DPYD: variants seen among roughly 807,000 people sequenced by gnomAD.
The protein encoded by DPYD is dihydropyrimidine dehydrogenase, also known as dihydropyrimidine dehydrogenase [NADP(+)].
In DPYD, 109 loss-of-function variants were observed where a neutral mutation model predicts 116.2. The ratio of observed to expected loss-of-function variants is 0.94; its 90% CI spans 0.80 to 1.10. The LOEUF (loss-of-function observed/expected upper bound fraction) is 1.10. Ranked by LOEUF, DPYD falls within the 50% of genes least tolerant of loss-of-function variation. The probability of loss-of-function intolerance (pLI) is 0.00; values close to 1 mark genes in which losing one functional copy is unlikely to be tolerated. For missense variants in DPYD, 1,302 were observed against 1,254.5 expected (o/e 1.04, Z -0.57); for synonymous variants, 440 against 432.0 (o/e 1.02, Z -0.23).
At chr1:97,529,555 G>T (rs1649410805) in intron 12 of DPYD, among the ~76,000 whole-genome samples, 1 of 151,978 alleles carries the variant, frequency 6.6e-6, no homozygotes, top group Non-Finnish European at 1.5e-5. Flanking sequence ...TTGGATATAT[G>T]CATACACTCA....
intron 20 of DPYD, among the ~76,000 whole-genome samples, chr1:97,165,000 G>A (rs924791386): frequency 7.9e-5 from 12 of 151,814 alleles, no homozygotes; most frequent in African/African-American, 1.9e-4. Flanking sequence ...GAGCCACTGC[G>A]CCCAGCCACA....
intron 13 of DPYD, among the ~76,000 whole-genome samples, chr1:97,487,541 C>T (rs951734965): frequency 5.9e-5 from 9 of 151,926 alleles, no homozygotes; most frequent in African/African-American, 1.5e-4. Flanking sequence ...GGTGTGGTGG[C>T]GGGCACCTGT....
intron 13 of DPYD, among the ~76,000 whole-genome samples, chr1:97,454,710 G>T (rs533492993): frequency 6.6e-6 from 1 of 151,672 alleles, no homozygotes; most frequent in Admixed American, 6.6e-5. Flanking sequence ...AATGGTAAGC[G>T]GACTGATTAT....
At chr1:97,876,400 T>A (rs947058831) in intron 2 of DPYD, among the ~76,000 whole-genome samples, 1 of 151,990 alleles carries the variant, frequency 6.6e-6, no homozygotes, top group Non-Finnish European at 1.5e-5. Context: ...AGGCACTACA[T>A]TTAAGTTGGC....
chr1:97,840,851 T>A (rs1476356634), intron 2 of DPYD, among the ~76,000 whole-genome samples: 1 of 152,128 alleles, frequency 6.6e-6, no homozygotes, highest in Admixed American at 6.5e-5. Context: ...TTGAATTATA[T>A]ACATACGAAG....
intron 14 of DPYD, among the ~76,000 whole-genome samples, chr1:97,387,518 C>T (rs1294246956): frequency 5.3e-5 from 8 of 151,964 alleles, no homozygotes; most frequent in African/African-American, 1.4e-4. Context: ...ATTTCCAGTT[C>T]CAATTGTTAG....
chr1:97,811,878 A>C (rs1380714884), intron 3 of DPYD, among the ~76,000 whole-genome samples: 2 of 69,854 alleles, frequency 2.9e-5, no homozygotes, highest in Non-Finnish European at 5.5e-5. Flanking sequence ...TCATTAAATA[A>C]ATTAATTTAA....
chr1:97,568,805 A>T lies in DPYD; in HGVS notation c.1339+4955T>A, dbSNP rs74105262. On this transcript the variant is annotated intron_variant, in intron 11 of 22. Transcript: ENST00000370192. ...AGCAAGTCAAGTCAAATGCACAAATATTTTTGTGGATCTATTATGGGCACA... is the reference window on the plus strand; with the variant it reads ...AGCAAGTCAAGTCAAATGCACAAATTTTTTTGTGGATCTATTATGGGCACA... Among the ~76,000 whole-genome samples the T allele has an allele frequency of 5.1e-3, 769 of 152,206 alleles. 1 individual carries two copies. The highest frequency in any genetic ancestry group is 0.018 in the African/African-American group (737 of 41,552).
At chr1:97,526,793 C>A (rs1294037331) in intron 12 of DPYD, among the ~76,000 whole-genome samples, 3 of 152,076 alleles carry the variant, frequency 2.0e-5, no homozygotes, top group Non-Finnish European at 2.9e-5. Context: ...ACACATTGTC[C>A]AAATGTTAAG....
intron 20 of DPYD, among the ~76,000 whole-genome samples, chr1:97,103,565 G>A (rs1650913184): frequency 6.6e-6 from 1 of 152,088 alleles, no homozygotes; most frequent in Admixed American, 6.6e-5. Flanking sequence ...ATAAATGTAA[G>A]CTACAACTTT....
At chr1:97,822,747 T>G (rs899151564) in intron 3 of DPYD, among the ~76,000 whole-genome samples, 8 of 152,178 alleles carry the variant, frequency 5.3e-5, no homozygotes, top group African/African-American at 1.9e-4. Context: ...TGTCTCGCTA[T>G]TCCATCTCTA....
chr1:97,867,704 G>C (rs1671455506), intron 2 of DPYD, among the ~76,000 whole-genome samples: 1 of 151,704 alleles, frequency 6.6e-6, no homozygotes, highest in Non-Finnish European at 1.5e-5. Context: ...TAATCATTAG[G>C]TGTAGAAAAA....
intron 16 of DPYD, among the ~76,000 whole-genome samples, chr1:97,313,937 T>A (rs552834497): frequency 1.3e-5 from 2 of 151,960 alleles, no homozygotes; most frequent in Non-Finnish European, 2.9e-5. Context: ...CCATGTTGAA[T>A]GAAAGAATGA....
intron 10 of DPYD, chr1:97,585,973 G>T: frequency 4.6e-6 from 1 of 218,246 alleles, no homozygotes; most frequent in Non-Finnish European, 9.7e-6. Flanking sequence ...TTTCCAAAGA[G>T]CTGAGATAGA....
intron 6 of DPYD, among the ~76,000 whole-genome samples, chr1:97,692,905 A>G (rs918256871): frequency 1.3e-5 from 2 of 152,182 alleles, no homozygotes; most frequent in African/African-American, 4.8e-5. Flanking sequence ...AAAATCTCCC[A>G]AAGTACAGCC....
chr1:97,318,838 A>C (rs1011271086), intron 16 of DPYD, among the ~76,000 whole-genome samples: 3 of 149,784 alleles, frequency 2.0e-5, no homozygotes, highest in Non-Finnish European at 4.4e-5. Flanking sequence ...GAAGTAAAGC[A>C]CTCCTCAGCA....
chr1:97,493,756 A>T (rs1187390872), intron 13 of DPYD, among the ~76,000 whole-genome samples: 2 of 152,202 alleles, frequency 1.3e-5, no homozygotes, highest in Admixed American at 6.6e-5. Flanking sequence ...CAAACCTTTT[A>T]ACAAGTTTCT....
chr1:97,142,705 C>T (rs907390751), intron 20 of DPYD, among the ~76,000 whole-genome samples: 18 of 151,904 alleles, frequency 1.2e-4, no homozygotes, highest in African/African-American at 4.3e-4. Flanking sequence ...TCTTTGTTGG[C>T]TAAACTAATT....
At chr1:97,248,609 A>C (rs1032049230) in intron 18 of DPYD, among the ~76,000 whole-genome samples, 10 of 152,234 alleles carry the variant, frequency 6.6e-5, no homozygotes, top group Non-Finnish European at 1.2e-4. Flanking sequence ...AAGACATATG[A>C]GTATCTCAAA....
Sources: allele counts gnomAD v4.1 joint callset (sites outside exome capture counted in the v4.1 genomes callset), GRCh38; gene constraint gnomAD v4.1.1; transcripts MANE v1.5; gene names NCBI Gene and HGNC (gene_info 2026-07-23, HGNC 2026-07-21).